The following INF2 variants were observed in gnomAD, a reference collection of about 807,000 sequenced individuals.
INF2 encodes inverted formin-2.
A neutral mutation model predicts 123.5 loss-of-function variants in INF2; 43 were observed. The ratio of observed to expected loss-of-function variants is 0.35; its 90% confidence interval spans 0.27 to 0.45. The LOEUF is 0.45. Among genes scored for constraint, INF2 ranks in the 20% least tolerant of loss-of-function variants. The pLI is 1.00. For synonymous variants in INF2, 851 were observed against 745.0 expected, an observed-to-expected ratio of 1.14 and a Z score of -2.32; for missense variants, 1,453 against 1,682.7, an observed-to-expected ratio of 0.86 and a Z score of 2.39.
intron 2 of INF2, among the ~76,000 whole-genome samples, 164 bp downstream of exon 2, chr14:104,701,920 AAACATCCAC>A (rs1889529710): frequency 6.6e-6 from 1 of 152,044 alleles, no homozygotes; most frequent in African/African-American, 2.4e-5. Context: ...GGCTCAGGAA[AAACATCCAC>A]ATTCACTCCG....
intron 22 of INF2, among the ~76,000 whole-genome samples, chr14:104,717,878 C>G (rs974866726): frequency 5.3e-5 from 8 of 152,200 alleles, no homozygotes; most frequent in East Asian, 1.9e-4. Flanking sequence ...GAGCGTTCCC[C>G]CCTCCCCTCC....
chr14:104,708,455 G>C lies in INF2; in HGVS notation c.1755G>C (p.Ala585=), dbSNP rs375573206. The C allele has an allele frequency of 6.2e-7, 1 of 1,612,210 alleles. No individual in the cohort carries two copies. Among genetic ancestry groups the C allele is most frequent in the Non-Finnish European group, 8.5e-7 (1 of 1,179,804 alleles). ...NVAREHNSMW[A]SLSSPDAEAV... ...CGACAGAGCACAACTCTATGTGGGC[G>C]TCCCTGAGCAGCCCCGACGCCGAGG... The change falls in exon 9 of 23, where the codon GCG becomes GCC. Residue 585 remains alanine, a synonymous_variant. Coordinates refer to ENST00000392634, the MANE Select transcript of INF2 (RefSeq NM_022489.4).
chr14:104,703,571 C>T lies in INF2; in HGVS notation c.667+117C>T, dbSNP rs866351635. ...ACAAAAGCTGCCCCCGACCCAGGGC[C>T]CCAGAGGAAGGCGCCATCTCGGGCC... On this transcript the variant is annotated intron_variant, in intron 4 of 22. Coordinates refer to ENST00000392634, the MANE Select transcript of INF2 (RefSeq NM_022489.4). The T allele has an allele frequency of 2.0e-4, 276 of 1,394,818 alleles. 2 individuals carry two copies. Among genetic ancestry groups the T allele is most frequent in the South Asian group, 1.8e-3 (157 of 86,066 alleles). 86.4% of individuals were successfully genotyped at this position (1,394,818 alleles called of 1,614,324 possible).
In INF2 at chr14:104,709,721, C is replaced by T; in HGVS notation, c.2138+16C>T. 1 of 1,608,828 alleles carries T rather than the reference C, an allele frequency of 6.2e-7. No individual in the cohort carries two copies. The highest frequency in any genetic ancestry group is 8.5e-7 in the Non-Finnish European group (1 of 1,176,360). The stretch of plus-strand genomic sequence containing the variant: ...CCATTCCCTGGTGAGCATGGCCGCC[C>T]TCAGACCCCAGGGCCTGGGCCCCAG... On this transcript the variant is annotated intron_variant, in intron 12 of 22. Transcript: ENST00000392634.
rs370364755 is a variant in INF2, at chr14:104,710,204, C to T, written c.2239+16C>T. ...GCCTGCGAAAGTGAGTGGGGCCAAG[C>T]GGGGCACGTGTGCAGGAGGGACAGG... On this transcript the variant is annotated intron_variant, in intron 13 of 22. Coordinates refer to ENST00000392634, the MANE Select transcript of INF2 (RefSeq NM_022489.4). 43 of 1,531,388 alleles carry T rather than the reference C, an allele frequency of 2.8e-5. No homozygotes were observed. The African/African-American group carries it at 5.4e-4, about 19-fold the overall frequency. The allele number at this position is 1,531,388 out of a possible 1,614,324, so 94.9% of individuals were successfully genotyped here.
chr14:104,698,621 A>C (rs1055888488), intron 1 of INF2, among the ~76,000 whole-genome samples: 1 of 152,244 alleles, frequency 6.6e-6, no homozygotes, highest in African/African-American at 2.4e-5. Context: ...ATTTGGGGCC[A>C]GTGGCCAGAT....
intron 2 of INF2, 112 bp downstream of exon 2, chr14:104,701,868 A>T: frequency 8.2e-7 from 1 of 1,218,766 alleles, no homozygotes; most frequent in Non-Finnish European, 1.1e-6. Context: ...AAGCGCAGCC[A>T]GGCAGGCAAG....
In INF2 at chr14:104,714,526, C is replaced by T. The variant is rs1300840692; in HGVS notation, c.3364C>T (p.Pro1122Ser). 6.2e-7 allele frequency: 1 copy of T among 1,612,724 alleles called. No individual in the cohort carries two copies. Among genetic ancestry groups the T allele is most frequent in the East Asian group, 2.2e-5 (1 of 44,890 alleles). Residue 1122 changes from proline (P) to serine (S), a missense_variant, in exon 21 of 23, where the codon CCT becomes TCT. By Grantham distance (74) the Pro-to-Ser change is moderately conservative. This residue lies in a region of INF2 where 344 missense variants were observed against 333.1 expected (regional missense o/e 1.03). Transcript: ENST00000392634. The part of the protein sequence containing the change: ...KPLKFSSNQP[P>S]AAGSSRQDAK... ...CCTCAAGTTCTCCAGCAACCAGCCC[C>T]CTGCAGCCGGAAGTTCAAGGCAAGA... is the stretch of plus-strand genomic sequence containing the variant.
In INF2 at chr14:104,718,788, CTT is replaced by C. The variant is rs1566788743; in HGVS notation, c.*2-6_*2-5del. 1.9e-6 allele frequency: 3 copies of C among 1,613,012 alleles called. No individual in the cohort carries two copies. In the Admixed American group the frequency reaches 5.0e-5, roughly 27 times the overall value. On this transcript the variant is annotated splice_polypyrimidine_tract_variant and splice_region_variant and intron_variant, in intron 22 of 22. Transcript: ENST00000392634. ...CCTAATAATGTCATTTTTTCTCTCT[CTT>C]ACAGGCCTCAGGCCCAGGCCCAAGG...
intron 5 of INF2, chr14:104,704,850 A>G (rs531988877): frequency 2.4e-4 from 36 of 152,370 alleles, no homozygotes; most frequent in African/African-American, 7.2e-4. Context: ...CAGTTCATTC[A>G]GGTTTCAGAT....
In INF2 at chr14:104,708,750, C is replaced by A; in HGVS notation, c.1949+18C>A. On this transcript the variant is annotated intron_variant, in intron 10 of 22. Transcript: ENST00000392634. ...TTTAAGTGGTGAGTGAGGGAGGTAG[C>A]CCCCATCCCAGGCCACGGAGCCTCG... 1.2e-6 allele frequency: 2 copies of A among 1,612,008 alleles called. No homozygotes were observed. The highest frequency in any genetic ancestry group is 1.7e-6 in the Non-Finnish European group (2 of 1,179,040).
chr14:104,709,411 C>T (rs1199895355), intron 11 of INF2, 28 bp downstream of exon 11: 31 of 1,558,084 alleles, frequency 2.0e-5, no homozygotes, highest in Non-Finnish European at 2.5e-5. Context: ...ACACCCCACC[C>T]CCAGTTAGTG....
chr14:104,691,975 T>C (rs772274238), intron 1 of INF2, among the ~76,000 whole-genome samples: 1 of 152,088 alleles, frequency 6.6e-6, no homozygotes, highest in Non-Finnish European at 1.5e-5. Context: ...GTGGTGCCTG[T>C]CCTCTCCTGA....
chr14:104,707,525 A>ACCCCCCC lies in INF2; in HGVS notation c.1262_1263insCCCCCCC (p.Pro424ThrfsTer31), dbSNP rs1566781528. On this transcript the variant is annotated frameshift_variant, in exon 8 of 23. Transcript: ENST00000392634. LOFTEE classifies it high-confidence loss of function. ...CAGAGCCCTGGAGCAGCAGGCGTCC[A>ACCCCCCC]CCCCACCCCCACCCCCACCCCCACC... is the stretch of plus-strand genomic sequence containing the variant. 2.2e-6 allele frequency: 3 copies of ACCCCCCC among 1,380,476 alleles called. No homozygotes were observed. The highest frequency in any genetic ancestry group is 4.4e-5 in the Admixed American group (2 of 45,242). 85.5% of individuals were successfully genotyped at this position (1,380,476 alleles called of 1,614,324 possible).
rs1454769452 is a variant in INF2, at chr14:104,689,689, C to T, written c.-60C>T. On this transcript the variant is annotated 5_prime_UTR_variant, in exon 1 of 23. Coordinates refer to ENST00000392634, the MANE Select transcript of INF2 (RefSeq NM_022489.4). ...GGCTGCCCGCAGCCCCTGACCCGGC[C>T]CCGGACGGAGCGCCGGCCGCACCAC... is the stretch of plus-strand genomic sequence containing the variant. The T allele has an allele frequency of 6.1e-6, 6 of 984,868 alleles. No homozygotes were observed. The highest frequency in any genetic ancestry group is 4.7e-5 in the South Asian group (1 of 21,274). The allele number at this position is 984,868 out of a possible 1,614,324, so 61.0% of individuals were successfully genotyped here.
At chr14:104,690,979 AG>A (rs1458099317) in intron 1 of INF2, among the ~76,000 whole-genome samples, 1 of 152,050 alleles carries the variant, frequency 6.6e-6, no homozygotes, top group African/African-American at 2.4e-5. Flanking sequence ...TCTAAAAGCC[AG>A]GTTGGTGCAG....
Position 104,709,667 on chromosome 14 carries a change from C to T in INF2, c.2100C>T (p.Ser700=), listed in dbSNP as rs377281840. The change falls in exon 12 of 23, where the codon AGC becomes AGT. Residue 700 remains serine, a synonymous_variant. Transcript: ENST00000392634. ...AFTEERAKLA[S]ADHFYLLLLA... ...CAGAGGAGCGAGCCAAGCTGGCCAG[C>T]GCCGACCACTTCTACCTCCTCCTGC... 8.1e-6 allele frequency: 13 copies of T among 1,612,594 alleles called. No homozygotes were observed. The highest frequency in any genetic ancestry group is 8.0e-5 in the African/African-American group (6 of 74,922).
rs144823094 is a variant in INF2, at chr14:104,703,870, C to T, written c.668-46C>T. On this transcript the variant is annotated intron_variant, in intron 4 of 22. Transcript: ENST00000392634. ...GGTGGCAGAAGTGAAATGGGGAAGG[C>T]GGGGAGTGGCCTCCGAACCCTCTGA... 548 of 1,609,800 alleles carry T rather than the reference C, an allele frequency of 3.4e-4. 1 individual carries two copies. In the African/African-American group the frequency reaches 5.0e-3, roughly 15 times the overall value.
In INF2 at chr14:104,713,267, G is replaced by A; in HGVS notation, c.2836G>A (p.Glu946Lys). ...KAERRKQQLA[E>K]EEARRPRGED... Reference sequence around the variant, plus strand: ...AGAGAGGAGGAAGCAGCAGCTGGCGGAGGAGGAGGCGCGGCGGCCTCGGGG... The same window carrying A: ...AGAGAGGAGGAAGCAGCAGCTGGCGAAGGAGGAGGCGCGGCGGCCTCGGGG... Residue 946 changes from glutamate (E) to lysine (K), a missense_variant, in exon 19 of 23, where the codon GAG (glutamate) becomes AAG (lysine). By Grantham distance (56) the Glu-to-Lys change is moderately conservative. Around this residue, in one of 8 missense-constraint regions of INF2, gnomAD observed 212 missense variants for 266.2 expected, o/e 0.80. Transcript: ENST00000392634. 1 of 1,551,308 alleles carries A rather than the reference G, an allele frequency of 6.4e-7. No individual in the cohort carries two copies.
Sources: allele counts gnomAD v4.1 joint callset (sites outside exome capture counted in the v4.1 genomes callset), GRCh38; gene constraint gnomAD v4.1.1; regional missense constraint gnomAD v4.1.1; transcripts MANE v1.5; gene names NCBI Gene and HGNC (gene_info 2026-07-23, HGNC 2026-07-21).